The following SH3RF3 variants were observed in gnomAD, a reference collection of about 807,000 sequenced individuals.
SH3RF3 encodes E3 ubiquitin-protein ligase SH3RF3.
A neutral mutation model predicts 66.3 loss-of-function variants in SH3RF3; 29 were observed. The observed-to-expected ratio is 0.44, with a 90% confidence interval of 0.33 to 0.60. The LOEUF (loss-of-function observed/expected upper bound fraction) is 0.60, where lower values mean the gene tolerates loss of function less well. Ranked by LOEUF, SH3RF3 falls within the 20% of genes least tolerant of loss-of-function variation. The pLI is 0.04. For missense variants in SH3RF3, 1,194 were observed against 1,190.9 expected (o/e 1.00, Z -0.04); for synonymous variants, 583 against 532.0 (o/e 1.10, Z -1.32).
chr2:109,166,958 G>A (rs1471541833), intron 1 of SH3RF3, among the ~76,000 whole-genome samples: 1 of 152,146 alleles, frequency 6.6e-6, no homozygotes, highest in Non-Finnish European at 1.5e-5. Context: ...CTACCTTCTT[G>A]TAAAAGGGCC....
At chr2:109,223,174 T>G (rs965389653) in intron 1 of SH3RF3, among the ~76,000 whole-genome samples, 4 of 152,252 alleles carry the variant, frequency 2.6e-5, no homozygotes, top group Admixed American at 1.3e-4. Flanking sequence ...GCATGGGTGC[T>G]GCTGCCACAG....
chr2:109,411,805 A>C (rs761300489), intron 4 of SH3RF3, among the ~76,000 whole-genome samples: 4 of 152,216 alleles, frequency 2.6e-5, no homozygotes, highest in Non-Finnish European at 4.4e-5. Context: ...ATTTCCACAC[A>C]TCTGACCTCT....
intron 9 of SH3RF3, among the ~76,000 whole-genome samples, chr2:109,500,820 A>G (rs1050651686): frequency 6.6e-6 from 1 of 152,072 alleles, no homozygotes; most frequent in Non-Finnish European, 1.5e-5. Flanking sequence ...GCATGGTGGT[A>G]TGTGCCTTGG....
chr2:109,174,156 T>G (rs1677865476), intron 1 of SH3RF3, among the ~76,000 whole-genome samples: 1 of 152,228 alleles, frequency 6.6e-6, no homozygotes, highest in Admixed American at 6.5e-5. Context: ...AACCAGAGGC[T>G]CCAGGATGTT....
chr2:109,206,490 C>CAAAAAAAAAAA (rs36060217), intron 1 of SH3RF3, among the ~76,000 whole-genome samples: 5 of 40,760 alleles, frequency 1.2e-4, no homozygotes, highest in African/African-American at 5.0e-4. Context: ...GACTCCGTCT[C>CAAAAAAAAAAA]AAAAAAAAAA....
At chr2:109,370,268 C>T (rs1683241146) in intron 2 of SH3RF3, among the ~76,000 whole-genome samples, 2 of 150,422 alleles carry the variant, frequency 1.3e-5, no homozygotes, top group African/African-American at 4.9e-5. Flanking sequence ...AATATGGAGT[C>T]TCACTCTGTC....
chr2:109,343,671 C>A (rs1355101285), intron 1 of SH3RF3, among the ~76,000 whole-genome samples: 1 of 152,074 alleles, frequency 6.6e-6, no homozygotes, highest in East Asian at 1.9e-4. Context: ...GGTGGGTTAC[C>A]ACCTGTGGAG....
chr2:109,169,388 G>A (rs1218615767), intron 1 of SH3RF3, among the ~76,000 whole-genome samples: 2 of 152,146 alleles, frequency 1.3e-5, no homozygotes, highest in Non-Finnish European at 2.9e-5. Context: ...TACTATGATG[G>A]TGATGATGTG....
intron 5 of SH3RF3, among the ~76,000 whole-genome samples, chr2:109,431,525 A>G (rs1342909146): frequency 6.6e-6 from 1 of 152,194 alleles, no homozygotes; most frequent in Non-Finnish European, 1.5e-5. Context: ...GCTGAGTTAG[A>G]GGCACAGCAT....
At chr2:109,490,454 G>C (rs1361790789) in intron 8 of SH3RF3, 151 bp from the exon 9 acceptor site, 4 of 640,264 alleles carry the variant, frequency 6.2e-6, no homozygotes, top group Non-Finnish European at 9.5e-6. Flanking sequence ...TCTGGCTACT[G>C]CTGTTGCTGT....
chr2:109,429,215 A>AC lies in SH3RF3; in HGVS notation c.1404-3281dup, dbSNP rs1401755983. On this transcript the variant is annotated intron_variant, in intron 5 of 9. Transcript: ENST00000309415. ...TCAGAGAGGACAGCAGATGCAGTTG[A>AC]CCCCCACCCGGGCCAAGGCCCACCC... is the stretch of plus-strand genomic sequence containing the variant. Among the ~76,000 whole-genome samples, 2 of 151,130 alleles carry AC rather than the reference A, an allele frequency of 1.3e-5. 1 individual carries two copies. Among genetic ancestry groups the AC allele is most frequent in the Non-Finnish European group, 3.0e-5 (2 of 67,796 alleles).
At chr2:109,205,676 G>T (rs893552189) in intron 1 of SH3RF3, among the ~76,000 whole-genome samples, 1 of 152,188 alleles carries the variant, frequency 6.6e-6, no homozygotes, top group African/African-American at 2.4e-5. Context: ...GGTCTGCACC[G>T]TATCTGCCCT....
intron 1 of SH3RF3, among the ~76,000 whole-genome samples, chr2:109,161,382 G>A (rs765443969): frequency 1.2e-4 from 19 of 152,030 alleles, no homozygotes; most frequent in South Asian, 4.1e-4. Flanking sequence ...AGGAAGAGGG[G>A]CAGCCTCCTG....
chr2:109,387,860 G>T lies in SH3RF3; in HGVS notation c.946-10730G>T, dbSNP rs1045757350. Among the ~76,000 whole-genome samples, 10 of 87,676 alleles carry T rather than the reference G, an allele frequency of 1.1e-4. No homozygotes were observed. The East Asian group carries it at 2.9e-3, about 25-fold the overall frequency. 57.5% of individuals were successfully genotyped at this position (87,676 alleles called of 152,430 possible). A position where few individuals can be genotyped will look rare whatever the true frequency, so the allele number is the denominator to read the frequency against. On this transcript the variant is annotated intron_variant, in intron 3 of 9. Transcript: ENST00000309415. ...CCAAAGCAACAGCCCCAGATGGTTG[G>T]GGGGGGGGTCTCCTCCCCCGGCCCA...
At chr2:109,412,136 A>T (rs2104490591) in intron 4 of SH3RF3, among the ~76,000 whole-genome samples, 2 of 152,304 alleles carry the variant, frequency 1.3e-5, no homozygotes, top group East Asian at 3.9e-4. Context: ...CACAGATGGG[A>T]TGGTGAGCCT....
chr2:109,337,697 G>A (rs1682456784), intron 1 of SH3RF3, among the ~76,000 whole-genome samples: 1 of 151,846 alleles, frequency 6.6e-6, no homozygotes, highest in African/African-American at 2.4e-5. Context: ...CTACCAGGTG[G>A]GTTATCTTGG....
intron 1 of SH3RF3, among the ~76,000 whole-genome samples, chr2:109,163,497 C>G (rs1170680026): frequency 1.5e-5 from 2 of 131,290 alleles, no homozygotes; most frequent in East Asian, 4.8e-4. Flanking sequence ...CTCCCGGGTT[C>G]ACGCCATTCT....
intron 1 of SH3RF3, among the ~76,000 whole-genome samples, chr2:109,327,053 G>A (rs180903180): frequency 6.6e-6 from 1 of 152,300 alleles, no homozygotes; most frequent in African/African-American, 2.4e-5. Flanking sequence ...TTTGATAAAT[G>A]GAAGGTTTTT....
chr2:109,481,433 T>G (rs1678831537), intron 8 of SH3RF3, among the ~76,000 whole-genome samples: 1 of 152,056 alleles, frequency 6.6e-6, no homozygotes, highest in Non-Finnish European at 1.5e-5. Context: ...TTCCTCCAGT[T>G]TGGAGCTTCT....
Sources: allele counts gnomAD v4.1 joint callset (sites outside exome capture counted in the v4.1 genomes callset), GRCh38; gene constraint gnomAD v4.1.1; transcripts MANE v1.5; gene names NCBI Gene and HGNC (gene_info 2026-07-23, HGNC 2026-07-21).